The following PPP1R1C variants were observed in gnomAD, a reference collection of about 807,000 sequenced individuals.
The protein encoded by PPP1R1C is protein phosphatase 1 regulatory subunit 1C.
In PPP1R1C, 15 loss-of-function variants were observed where a neutral mutation model predicts 17.4. The observed-to-expected ratio is 0.86, with a 90% confidence interval of 0.58 to 1.33. The LOEUF (loss-of-function observed/expected upper bound fraction) is 1.33. PPP1R1C is among the 40% of genes most tolerant of loss of function. The pLI, the probability that PPP1R1C is intolerant of heterozygous loss-of-function variation, is 0.00. For synonymous variants in PPP1R1C, 35 were observed against 43.1 expected (o/e 0.81, Z 0.73); for missense variants, 143 against 130.0 (o/e 1.10, Z -0.48).
intron 3 of PPP1R1C, among the ~76,000 whole-genome samples, chr2:182,063,378 A>G (rs1687899542): frequency 6.6e-6 from 1 of 152,074 alleles, no homozygotes; most frequent in Admixed American, 6.6e-5. Flanking sequence ...TTTGGAATAT[A>G]CTTTGTCATG....
chr2:181,969,621 C>T (rs887987054), intron 1 of PPP1R1C, among the ~76,000 whole-genome samples: 1 of 152,076 alleles, frequency 6.6e-6, no homozygotes, highest in Non-Finnish European at 1.5e-5. Flanking sequence ...TGTTGCATAA[C>T]CTTCTTGTAC....
chr2:181,991,379 G>T (rs1368654950), intron 2 of PPP1R1C, among the ~76,000 whole-genome samples: 1 of 152,130 alleles, frequency 6.6e-6, no homozygotes, highest in Non-Finnish European at 1.5e-5. Flanking sequence ...CTCAGCAGTA[G>T]AAGCACTATG....
chr2:182,069,458 T>A (rs1416213476), intron 4 of PPP1R1C, among the ~76,000 whole-genome samples: 2 of 152,224 alleles, frequency 1.3e-5, no homozygotes, highest in Non-Finnish European at 2.9e-5. Flanking sequence ...GGTATCTTTT[T>A]TTTTTTGGAG....
chr2:182,045,440 C>CAA (rs11360325), intron 2 of PPP1R1C, among the ~76,000 whole-genome samples: 104 of 147,028 alleles, frequency 7.1e-4, no homozygotes, highest in African/African-American at 2.2e-3. Context: ...CTGTTAGTAA[C>CAA]AAAAAAAAAA....
chr2:182,021,953 G>C (rs1407935043), intron 2 of PPP1R1C, among the ~76,000 whole-genome samples: 1 of 152,210 alleles, frequency 6.6e-6, no homozygotes, highest in Non-Finnish European at 1.5e-5. Flanking sequence ...AGAGACCCCA[G>C]TAGAAACGCT....
At chr2:181,972,841 T>A (rs1035497969) in intron 1 of PPP1R1C, among the ~76,000 whole-genome samples, 4 of 152,210 alleles carry the variant, frequency 2.6e-5, no homozygotes, top group Non-Finnish European at 5.9e-5. Context: ...CTCCTATCAT[T>A]CATTTTGTTC....
chr2:182,068,778 G>A (rs2125203113), intron 4 of PPP1R1C, among the ~76,000 whole-genome samples: 1 of 152,244 alleles, frequency 6.6e-6, no homozygotes, highest in South Asian at 2.1e-4. Context: ...TGCTATAGCA[G>A]ATTATGCAAT....
chr2:182,103,225 C>T (rs545931172), intron 4 of PPP1R1C, among the ~76,000 whole-genome samples: 37 of 152,290 alleles, frequency 2.4e-4, no homozygotes, highest in Middle Eastern at 6.8e-3. Flanking sequence ...GTAAATTAAA[C>T]ACTTTTTCCC....
At chr2:182,016,143 T>C (rs999702248) in intron 2 of PPP1R1C, among the ~76,000 whole-genome samples, 1 of 152,160 alleles carries the variant, frequency 6.6e-6, no homozygotes, top group African/African-American at 2.4e-5. Flanking sequence ...CTGGTCTAAA[T>C]GCCCCCTCCA....
At chr2:181,982,670 G>C (rs554433158), upstream of PPP1R1C, among the ~76,000 whole-genome samples, 3 of 152,104 alleles carry the variant, frequency 2.0e-5, no homozygotes, top group Non-Finnish European at 2.9e-5. Context: ...AAAAGGGAGC[G>C]GGGAGGCAGG....
chr2:182,065,201 G>A (rs1177061550), intron 4 of PPP1R1C, among the ~76,000 whole-genome samples: 2 of 151,970 alleles, frequency 1.3e-5, no homozygotes, highest in African/African-American at 4.8e-5. Context: ...TAAGTTAATG[G>A]CTTGAGAAAG....
At chr2:182,086,941 A>G (rs1245621373) in intron 4 of PPP1R1C, among the ~76,000 whole-genome samples, 1 of 151,786 alleles carries the variant, frequency 6.6e-6, no homozygotes, top group Non-Finnish European at 1.5e-5. Flanking sequence ...CAAAAAAAAA[A>G]ACAAAAACAC....
rs146990226 is a variant in PPP1R1C at position 181,978,013 on chromosome 2, C to A, written n.157+2749C>A. On this transcript the variant is annotated intron_variant and non_coding_transcript_variant, in intron 2 of 5. Transcript: ENST00000464264. ...TTATAAAGCAGAGAGGTTTAATGGA[C>A]TCATGGTTTCACATGGCTGGGGAGG... 2.9e-3 allele frequency among the ~76,000 whole-genome samples: 435 copies of A among 152,270 alleles called. 4 individuals are homozygous for A. Among genetic ancestry groups the A allele is most frequent in the South Asian group, 0.02 (99 of 4,830 alleles).
intron 4 of PPP1R1C, among the ~76,000 whole-genome samples, chr2:182,083,612 AGTAGTATTCTACAGT>A (rs1341604293): frequency 1.3e-4 from 20 of 152,152 alleles, no homozygotes; most frequent in African/African-American, 4.3e-4. Context: ...TTAATGCCTG[AGTAGTATTCTACAGT>A]GTATATACAC....
intron 4 of PPP1R1C, among the ~76,000 whole-genome samples, chr2:182,067,777 T>C (rs1245701384): frequency 6.6e-6 from 1 of 152,090 alleles, no homozygotes; most frequent in Non-Finnish European, 1.5e-5. Flanking sequence ...CACATATGCA[T>C]CCGCAGTGGG....
intron 1 of PPP1R1C, among the ~76,000 whole-genome samples, chr2:181,987,621 CT>C (rs1322641489): frequency 5.9e-5 from 9 of 152,170 alleles, no homozygotes; most frequent in Admixed American, 5.9e-4. Flanking sequence ...GGAAATGTAG[CT>C]TTTTGGTCAA....
chr2:181,996,752 T>C (rs551104404), intron 2 of PPP1R1C, among the ~76,000 whole-genome samples: 2 of 152,128 alleles, frequency 1.3e-5, no homozygotes, highest in Non-Finnish European at 2.9e-5. Context: ...CGGAAAACAA[T>C]TTTCAGAATT....
intron 2 of PPP1R1C, among the ~76,000 whole-genome samples, chr2:182,025,450 T>C (rs1325515935): frequency 7.3e-6 from 1 of 137,006 alleles, no homozygotes; most frequent in African/African-American, 2.8e-5. Context: ...TGAGTGAGAA[T>C]ATGCGGTGTT....
At chr2:182,083,628 G>C (rs1472285005) in intron 4 of PPP1R1C, among the ~76,000 whole-genome samples, 1 of 152,070 alleles carries the variant, frequency 6.6e-6, no homozygotes, top group Non-Finnish European at 1.5e-5. Context: ...ATTCTACAGT[G>C]TATATACACC....
Sources: gnomAD v4.1 joint callset for allele counts (sites outside exome capture counted in the v4.1 genomes callset) on GRCh38, gnomAD v4.1.1 for gene constraint, MANE v1.5 for transcripts, NCBI Gene and HGNC (gene_info 2026-07-23, HGNC 2026-07-21) for gene names.